Variants in ATXN1 observed in about 807,000 individuals in gnomAD.
The protein encoded by ATXN1 is ataxin 1.
Under a neutral mutation model 56.4 loss-of-function variants are expected in ATXN1, and 8 were observed. The ratio of observed to expected loss-of-function variants is 0.14; its 90% confidence interval spans 0.08 to 0.26. The LOEUF (loss-of-function observed/expected upper bound fraction) is 0.26, where lower values mean the gene tolerates loss of function less well. ATXN1 is among the 10% of genes least tolerant of loss of function. The pLI is 1.00. For synonymous variants in ATXN1, 514 were observed against 494.6 expected, an observed-to-expected ratio of 1.04 and a Z score of -0.52; for missense variants, 987 against 1,106.5, an observed-to-expected ratio of 0.89 and a Z score of 1.53.
intron 2 of ATXN1, among the ~76,000 whole-genome samples, chr6:16,719,966 T>C (rs1019979358): frequency 6.6e-6 from 1 of 152,206 alleles, no homozygotes; most frequent in Non-Finnish European, 1.5e-5. Context: ...CCTGTTGTTT[T>C]AACCCACCAA....
intron 6 of ATXN1, among the ~76,000 whole-genome samples, chr6:16,408,026 G>A (rs931869677): frequency 2.0e-5 from 3 of 152,134 alleles, no homozygotes; most frequent in African/African-American, 7.2e-5. Context: ...CGGGATTGGG[G>A]GCATGGGGGT....
At chr6:16,695,092 CACCATGGCTCTTGGGG>C (rs369526442) in intron 2 of ATXN1, among the ~76,000 whole-genome samples, 1,737 of 152,216 alleles carry the variant, frequency 0.011, 34 homozygotes, top group African/African-American at 0.04. Context: ...GGCTCTTGGG[CACCATGGCTCTTGGGG>C]ACCATGGCTC....
At chr6:16,431,698 T>C (rs1281671872) in intron 6 of ATXN1, among the ~76,000 whole-genome samples, 1 of 152,194 alleles carries the variant, frequency 6.6e-6, no homozygotes, top group Non-Finnish European at 1.5e-5. Context: ...GGCAAGAAAC[T>C]AAGGCAGGGA....
At chr6:16,643,188 G>T (rs2113822777) in intron 3 of ATXN1, among the ~76,000 whole-genome samples, 1 of 151,468 alleles carries the variant, frequency 6.6e-6, no homozygotes, top group East Asian at 1.9e-4. Context: ...AGGAGGCGGA[G>T]CTTGCAGTGA....
chr6:16,317,129 T>C (rs1288658051), intron 7 of ATXN1, among the ~76,000 whole-genome samples: 1 of 152,018 alleles, frequency 6.6e-6, no homozygotes, highest in East Asian at 1.9e-4. Flanking sequence ...CTTGCTGGGG[T>C]TCCACACATT....
At chr6:16,588,315 C>A (rs547716977) in intron 3 of ATXN1, among the ~76,000 whole-genome samples, 1 of 152,332 alleles carries the variant, frequency 6.6e-6, no homozygotes, top group South Asian at 2.1e-4. Context: ...CTAAACATGG[C>A]CCCCAAAACC....
intron 7 of ATXN1, among the ~76,000 whole-genome samples, chr6:16,315,938 T>A (rs1760497721): frequency 6.6e-6 from 1 of 152,130 alleles, no homozygotes; most frequent in African/African-American, 2.4e-5. Context: ...TGCCTCAGCC[T>A]CCCAAAGTGC....
chr6:16,748,941 T>G (rs528863964), intron 2 of ATXN1, among the ~76,000 whole-genome samples: 41 of 152,312 alleles, frequency 2.7e-4, no homozygotes, highest in African/African-American at 9.1e-4. Flanking sequence ...TCTCCAGCCT[T>G]CTCTTTCACT....
At chr6:16,719,893 A>T (rs1403549445) in intron 2 of ATXN1, among the ~76,000 whole-genome samples, 1 of 152,100 alleles carries the variant, frequency 6.6e-6, no homozygotes, top group East Asian at 1.9e-4. Flanking sequence ...TTCGGGAGGG[A>T]GTGTGGCCCG....
chr6:16,468,506 T>C (rs1247735718), intron 6 of ATXN1, among the ~76,000 whole-genome samples: 1 of 152,160 alleles, frequency 6.6e-6, no homozygotes, highest in Non-Finnish European at 1.5e-5. Flanking sequence ...GTTATTACCT[T>C]ATAAAGGGAA....
chr6:16,372,970 T>C (rs1027806074), intron 6 of ATXN1, among the ~76,000 whole-genome samples: 10 of 123,992 alleles, frequency 8.1e-5, no homozygotes, highest in East Asian at 4.3e-4. Context: ...AACAAACAAA[T>C]AAATGAACCT....
chr6:16,571,306 TA>T lies in ATXN1; in HGVS notation c.-361+14473del, dbSNP rs201035824. ...TTACAATTTTGAAATATGTTCCCTATAAAAAAAATACTGAAGTCAATACATT... is the reference window on the plus strand; with the variant it reads ...TTACAATTTTGAAATATGTTCCCTATAAAAAAATACTGAAGTCAATACATT... On this transcript the variant is annotated intron_variant, in intron 4 of 7. Transcript: ENST00000436367. Among the ~76,000 whole-genome samples the T allele has an allele frequency of 2.6e-3, 390 of 151,870 alleles. 4 individuals are homozygous for T. The highest frequency in any genetic ancestry group is 8.4e-3 in the African/African-American group (349 of 41,424).
intron 6 of ATXN1, among the ~76,000 whole-genome samples, chr6:16,398,660 C>CA (rs1758504114): frequency 6.6e-6 from 1 of 151,892 alleles, no homozygotes; most frequent in Non-Finnish European, 1.5e-5. Context: ...AGTTATACAG[C>CA]AAAAAAGAAG....
Position 16,304,935 on chromosome 6 carries a change from T to A in ATXN1, c.*1394A>T, listed in dbSNP as rs1186237744. 1 of 152,642 alleles carries A rather than the reference T, an allele frequency of 6.6e-6. No homozygotes were observed. The highest frequency in any genetic ancestry group is 1.9e-4 in the East Asian group (1 of 5,196). 9.5% of individuals were successfully genotyped at this position (152,642 alleles called of 1,614,324 possible). On this transcript the variant is annotated 3_prime_UTR_variant, in exon 8 of 8. Coordinates refer to ENST00000436367, the MANE Select transcript of ATXN1 (RefSeq NM_001128164.2). ...TTGAACTGATTCTCAGACATCAAAG[T>A]GAAAAGTGCCTCCCGTCAGGTAGTA...
At chr6:16,573,193 C>G (rs536124007) in intron 4 of ATXN1, among the ~76,000 whole-genome samples, 47 of 152,230 alleles carry the variant, frequency 3.1e-4, no homozygotes, top group Middle Eastern at 6.8e-3. Context: ...TGTTGACATT[C>G]TTTTTAATCC....
intron 6 of ATXN1, among the ~76,000 whole-genome samples, chr6:16,377,747 C>T (rs1005394315): frequency 1.3e-5 from 2 of 152,144 alleles, no homozygotes; most frequent in Non-Finnish European, 2.9e-5. Context: ...AAGCTGAATC[C>T]TGAAAGATGA....
intron 6 of ATXN1, among the ~76,000 whole-genome samples, chr6:16,399,787 TCCCTG>T (rs1264541374): frequency 6.6e-6 from 1 of 152,072 alleles, no homozygotes; most frequent in Non-Finnish European, 1.5e-5. Context: ...CCCCTCCATC[TCCCTG>T]CTTCCCCAAA....
At chr6:16,400,145 C>T (rs977095347) in intron 6 of ATXN1, among the ~76,000 whole-genome samples, 1 of 152,206 alleles carries the variant, frequency 6.6e-6, no homozygotes, top group African/African-American at 2.4e-5. Flanking sequence ...CCTCTCTCAC[C>T]TATCCTTAGG....
intron 6 of ATXN1, among the ~76,000 whole-genome samples, chr6:16,335,562 T>A (rs1158416940): frequency 6.6e-6 from 1 of 152,198 alleles, no homozygotes; most frequent in Non-Finnish European, 1.5e-5. Context: ...TAAATAATTT[T>A]ATGTATCTTA....
Sources: gnomAD v4.1 joint callset for allele counts (sites outside exome capture counted in the v4.1 genomes callset) on GRCh38, gnomAD v4.1.1 for gene constraint, MANE v1.5 for transcripts, NCBI Gene and HGNC (gene_info 2026-07-23, HGNC 2026-07-21) for gene names.